GRK5: variants seen among roughly 807,000 people sequenced by gnomAD.
GRK5 encodes g protein-coupled receptor kinase GRK5.
Under a neutral mutation model 78.4 loss-of-function variants are expected in GRK5, and 40 were observed. The observed-to-expected ratio is 0.51, with a 90% confidence interval of 0.40 to 0.66. GRK5 has a LOEUF of 0.66. Ranked by LOEUF, GRK5 falls within the 30% of genes least tolerant of loss-of-function variation. The probability of loss-of-function intolerance (pLI) is 0.00; values close to 1 mark genes in which losing one functional copy is unlikely to be tolerated. For missense variants in GRK5, 598 were observed against 759.9 expected (o/e 0.79, Z 2.50); for synonymous variants, 289 against 296.8 (o/e 0.97, Z 0.27).
intron 2 of GRK5, among the ~76,000 whole-genome samples, chr10:119,363,573 C>G (rs1393451864): frequency 6.6e-6 from 1 of 152,170 alleles, no homozygotes; most frequent in African/African-American, 2.4e-5. Context: ...ACTAGGGCTG[C>G]TATGGAAACT....
chr10:119,448,025 CTT>C (rs1564939550), intron 12 of GRK5, 96 bp from the exon 13 acceptor site: 4 of 1,404,432 alleles, frequency 2.8e-6, no homozygotes, highest in Non-Finnish European at 3.8e-6. Context: ...GGCAGCGTGT[CTT>C]GGGTTCCTAG....
At chr10:119,403,936 G>C (rs1390710438) in intron 4 of GRK5, among the ~76,000 whole-genome samples, 1 of 152,090 alleles carries the variant, frequency 6.6e-6, no homozygotes, top group East Asian at 1.9e-4. Context: ...TGTCCAACCT[G>C]CTTCTATTTT....
At position 119,452,881 on chromosome 10, in the gene GRK5, A is replaced by T. The variant is rs1853319620; in HGVS notation, c.1542+73A>T. On this transcript the variant is annotated intron_variant, in intron 14 of 15. Coordinates refer to ENST00000392870, the MANE Select transcript of GRK5 (RefSeq NM_005308.3). The surrounding 1 kb of genome is among the most constrained non-coding windows in gnomAD (Gnocchi z 4.4). ...TGACGGGTGGAAGGAGGCGTCGGGA[A>T]TATGAGTTTGGCGGCAGGAGGCTGA... The T allele has an allele frequency of 5.3e-6, 8 of 1,495,522 alleles. No individual in the cohort carries two copies. The South Asian group carries it at 9.3e-5, about 17-fold the overall frequency. The allele number at this position is 1,495,522 out of a possible 1,614,324, so 92.6% of individuals were successfully genotyped here.
intron 6 of GRK5, among the ~76,000 whole-genome samples, chr10:119,428,983 G>A (rs964908669): frequency 2.6e-5 from 4 of 152,248 alleles, no homozygotes; most frequent in Non-Finnish European, 5.9e-5. Flanking sequence ...ACTGTTAGGC[G>A]GGCCGCCTTC....
At chr10:119,299,499 G>C (rs1394598121) in intron 1 of GRK5, among the ~76,000 whole-genome samples, 1 of 152,004 alleles carries the variant, frequency 6.6e-6, no homozygotes, top group Non-Finnish European at 1.5e-5. Flanking sequence ...CCTTTGTGGA[G>C]CCTTAAGTTC....
intron 13 of GRK5, among the ~76,000 whole-genome samples, chr10:119,451,492 A>G (rs967807906): frequency 6.6e-6 from 1 of 152,076 alleles, no homozygotes; most frequent in Non-Finnish European, 1.5e-5. Flanking sequence ...TTAAAATTCT[A>G]AATGTGGAAC....
intron 2 of GRK5, among the ~76,000 whole-genome samples, chr10:119,347,706 C>A (rs1767665576): frequency 6.6e-6 from 1 of 152,264 alleles, no homozygotes; most frequent in South Asian, 2.1e-4. Flanking sequence ...TTAAGCCAGG[C>A]CTGGTTCCCG....
Position 119,448,809 on chromosome 10 carries a change from A to G in GRK5, c.1404+549A>G, listed in dbSNP as rs895670474. Among the ~76,000 whole-genome samples the G allele has an allele frequency of 5.9e-5, 9 of 152,302 alleles. No homozygotes were observed. In the South Asian group the frequency reaches 1.9e-3, roughly 32 times the overall value. ...CCCCAGGTCCCCCAGTCGGTGTGTG[A>G]GGCAAGATTCCAGCTGAGGTAGAAT... On this transcript the variant is annotated intron_variant, in intron 13 of 15. Coordinates refer to ENST00000392870, the MANE Select transcript of GRK5 (RefSeq NM_005308.3).
At chr10:119,365,364 A>G (rs938968885) in intron 2 of GRK5, among the ~76,000 whole-genome samples, 1 of 152,228 alleles carries the variant, frequency 6.6e-6, no homozygotes, top group African/African-American at 2.4e-5. Flanking sequence ...AAAAACGTCT[A>G]CTTGGCTCTC....
intron 6 of GRK5, among the ~76,000 whole-genome samples, chr10:119,426,724 G>A (rs11198920): frequency 2.7e-5 from 4 of 150,324 alleles, no homozygotes; most frequent in African/African-American, 4.9e-5. Flanking sequence ...ATATCCCACC[G>A]CCATCATCAG....
intron 1 of GRK5, among the ~76,000 whole-genome samples, chr10:119,286,497 C>T (rs35282946): frequency 0.088 from 13,402 of 152,304 alleles, 845 homozygotes; most frequent in Non-Finnish European, 0.13. Context: ...ACGTGGGGGT[C>T]TGGAGGGCCC....
chr10:119,322,208 C>T (rs1850597464), intron 1 of GRK5, among the ~76,000 whole-genome samples: 1 of 152,218 alleles, frequency 6.6e-6, no homozygotes, highest in Non-Finnish European at 1.5e-5. Flanking sequence ...CCATCTTGGC[C>T]TCCCAAAGTG....
At chr10:119,326,474 C>T (rs773337501) in intron 1 of GRK5, 42 bp from the exon 2 acceptor site, 2 of 1,535,094 alleles carry the variant, frequency 1.3e-6, no homozygotes, top group Non-Finnish European at 1.8e-6. Flanking sequence ...ACGCCGCAGG[C>T]TCTGGAGCCT....
chr10:119,257,412 A>G lies in GRK5; in HGVS notation c.52+49443A>G, dbSNP rs184476481. Among the ~76,000 whole-genome samples, 286 of 152,164 alleles carry G rather than the reference A, an allele frequency of 1.9e-3. 1 individual carries two copies. Among genetic ancestry groups the G allele is most frequent in the African/African-American group, 6.6e-3 (272 of 41,492 alleles). ...GGTGGCACCATCGCAGGTGGGAGGG[A>G]GTATGTCTATTTCAAAAGTGCTGGG... On this transcript the variant is annotated intron_variant, in intron 1 of 15. Coordinates refer to ENST00000392870, the MANE Select transcript of GRK5 (RefSeq NM_005308.3).
At chr10:119,274,797 C>T (rs1407644085) in intron 1 of GRK5, among the ~76,000 whole-genome samples, 1 of 152,186 alleles carries the variant, frequency 6.6e-6, no homozygotes, top group African/African-American at 2.4e-5. Context: ...GAACACTGAT[C>T]GGGAAGTCAG....
At chr10:119,261,805 C>A (rs141501107) in intron 1 of GRK5, among the ~76,000 whole-genome samples, 4,085 of 152,022 alleles carry the variant, frequency 0.027, 120 homozygotes, top group African/African-American at 0.072. Context: ...AGGCTGAGGC[C>A]GGAGAATCAG....
At chr10:119,437,913 C>T (rs1285981653) in intron 9 of GRK5, among the ~76,000 whole-genome samples, 2 of 152,258 alleles carry the variant, frequency 1.3e-5, no homozygotes, top group East Asian at 1.9e-4. Context: ...GCCTGGCCAA[C>T]GTGGTGAAAC....
chr10:119,430,354 T>A lies in GRK5; in HGVS notation c.534-21T>A, dbSNP rs1183868556. 1 of 1,610,028 alleles carries A rather than the reference T, an allele frequency of 6.2e-7. No individual in the cohort carries two copies. The highest frequency in any genetic ancestry group is 1.3e-5 in the African/African-American group (1 of 74,840). On this transcript the variant is annotated intron_variant, in intron 6 of 15. Coordinates refer to ENST00000392870, the MANE Select transcript of GRK5 (RefSeq NM_005308.3). This position sits in a 1 kb window ranked among gnomAD's most constrained non-coding sequence, Gnocchi z 4.5. Reference sequence around the variant, plus strand: ...GAGTCTTGGCACCATGAGACCAGTGTGGGATTCTTCTTTCTTCCAGGCAAC... The same window carrying A: ...GAGTCTTGGCACCATGAGACCAGTGAGGGATTCTTCTTTCTTCCAGGCAAC...
rs1040593710 is a variant in GRK5 at position 119,458,871 on chromosome 10, C to G, written c.*3804C>G. ...CCTCAAAACGGAGGGGGCACCGCAG[C>G]CTCCTTGAGCCTGGCATCCCAGGCC... On this transcript the variant is annotated 3_prime_UTR_variant, in exon 16 of 16. Transcript: ENST00000392870. 4 of 152,154 alleles carry G rather than the reference C, an allele frequency of 2.6e-5. No homozygotes were observed. The highest frequency in any genetic ancestry group is 5.9e-5 in the Non-Finnish European group (4 of 68,044). 9.4% of individuals were successfully genotyped at this position (152,154 alleles called of 1,614,324 possible). A position where few individuals can be genotyped will look rare whatever the true frequency, so the allele number is the denominator to read the frequency against.
Sources: allele counts gnomAD v4.1 joint callset (sites outside exome capture counted in the v4.1 genomes callset), GRCh38; gene constraint gnomAD v4.1.1; non-coding constraint Gnocchi (gnomAD v3.1); transcripts MANE v1.5; gene names NCBI Gene and HGNC (gene_info 2026-07-23, HGNC 2026-07-21).